NMT2: variants seen among roughly 807,000 people sequenced by gnomAD.
NMT2 encodes glycylpeptide N-tetradecanoyltransferase 2.
A neutral mutation model predicts 65.4 loss-of-function variants in NMT2; 35 were observed. That is an observed-to-expected ratio of 0.54 (90% CI 0.41 to 0.71). The LOEUF (loss-of-function observed/expected upper bound fraction) is 0.71. Ranked by LOEUF, NMT2 falls within the 30% of genes least tolerant of loss-of-function variation. NMT2 has a pLI of 0.00. For missense variants in NMT2, 489 were observed against 611.3 expected, an observed-to-expected ratio of 0.80 and a Z score of 2.11; for synonymous variants, 226 against 231.8, an observed-to-expected ratio of 0.98 and a Z score of 0.23.
At chr10:15,123,871 A>C (rs1181368450) in intron 8 of NMT2, among the ~76,000 whole-genome samples, 1 of 152,236 alleles carries the variant, frequency 6.6e-6, no homozygotes, top group African/African-American at 2.4e-5. Context: ...AAGGAAATGA[A>C]GCTCAGAGCT....
chr10:15,136,259 G>A (rs988296726), intron 2 of NMT2, among the ~76,000 whole-genome samples: 1 of 147,974 alleles, frequency 6.8e-6, no homozygotes, highest in African/African-American at 2.5e-5. Context: ...GGAAGGGAAG[G>A]GAAAGGGAAG....
intron 1 of NMT2, among the ~76,000 whole-genome samples, chr10:15,151,058 CCTT>C (rs1229864566): frequency 6.9e-6 from 1 of 143,952 alleles, no homozygotes; most frequent in Admixed American, 6.8e-5. Context: ...TTAGCTTCCT[CCTT>C]TTTTTTTTTT....
intron 7 of NMT2, 138 bp downstream of exon 7, chr10:15,130,004 G>C: frequency 1.6e-6 from 1 of 622,778 alleles, no homozygotes; most frequent in Non-Finnish European, 2.5e-6. Context: ...TGATATACCA[G>C]AAAGAATACT....
Position 15,126,494 on chromosome 10 carries a change from G to C in NMT2, c.999+1856C>G, listed in dbSNP as rs114169066. On this transcript the variant is annotated intron_variant, in intron 8 of 11. Coordinates refer to ENST00000378165, the MANE Select transcript of NMT2 (RefSeq NM_004808.3). The stretch of plus-strand genomic sequence containing the variant: ...TCACTTTCATGAATCACCTGCATAG[G>C]GTTCTGACTTCCATCTTGCCAGCAG... Among the ~76,000 whole-genome samples the C allele has an allele frequency of 2.5e-3, 378 of 151,964 alleles. 3 individuals carry two copies. The highest frequency in any genetic ancestry group is 8.9e-3 in the African/African-American group (369 of 41,446).
intron 1 of NMT2, among the ~76,000 whole-genome samples, chr10:15,150,346 C>T (rs981155460): frequency 5.9e-5 from 9 of 152,178 alleles, no homozygotes; most frequent in African/African-American, 1.9e-4. Flanking sequence ...AGAAGTCACA[C>T]AAATGAGTTT....
Position 15,108,172 on chromosome 10 carries a change from C to T in NMT2, c.*1023G>A, listed in dbSNP as rs1274981200. On this transcript the variant is annotated 3_prime_UTR_variant, in exon 12 of 12. Coordinates refer to ENST00000378165, the MANE Select transcript of NMT2 (RefSeq NM_004808.3). ...AACAGCAGAAAAGTCTAGTTAGTCG[C>T]GGGTACAGGCTCTTTCTTTTTTTTT... 11 of 983,142 alleles carry T rather than the reference C, an allele frequency of 1.1e-5. No individual in the cohort carries two copies. The highest frequency in any genetic ancestry group is 9.4e-5 in the South Asian group (2 of 21,246). The allele number at this position is 983,142 out of a possible 1,614,324, so 60.9% of individuals were successfully genotyped here.
chr10:15,117,111 C>T (rs1229957675), intron 9 of NMT2, among the ~76,000 whole-genome samples: 1 of 152,178 alleles, frequency 6.6e-6, no homozygotes, highest in African/African-American at 2.4e-5. Context: ...AAAAAAGGCA[C>T]TCCAGAGAGA....
At chr10:15,131,210 G>A (rs566916151) in intron 6 of NMT2, among the ~76,000 whole-genome samples, 9 of 152,138 alleles carry the variant, frequency 5.9e-5, no homozygotes, top group East Asian at 1.9e-4. Flanking sequence ...TAAAACGCAC[G>A]GAGGCTCCAA....
rs1451128440 is a variant in NMT2 at position 15,106,005 on chromosome 10, T to A, written c.*3190A>T. ...ACTGGCAATGCTGCAGTTATTTATT[T>A]TACTTTCGAGATAGAGTCTCACTCT... On this transcript the variant is annotated 3_prime_UTR_variant, in exon 12 of 12. Transcript: ENST00000378165. 4.8e-6 allele frequency: 2 copies of A among 419,116 alleles called. No homozygotes were observed. The highest frequency in any genetic ancestry group is 2.1e-5 in the African/African-American group (1 of 47,118). 26.0% of individuals were successfully genotyped at this position (419,116 alleles called of 1,614,324 possible).
At chr10:15,131,205 C>T (rs949762124) in intron 6 of NMT2, among the ~76,000 whole-genome samples, 8 of 152,108 alleles carry the variant, frequency 5.3e-5, no homozygotes, top group Admixed American at 1.3e-4. Flanking sequence ...GATTGTAAAA[C>T]GCACGGAGGC....
In NMT2 at chr10:15,118,144, G is replaced by A. The variant is rs138538934; in HGVS notation, c.1170+1199C>T. Among the ~76,000 whole-genome samples the A allele has an allele frequency of 2.6e-3, 401 of 152,356 alleles. 1 individual carries two copies. Among genetic ancestry groups the A allele is most frequent in the African/African-American group, 9.1e-3 (377 of 41,580 alleles). On this transcript the variant is annotated intron_variant, in intron 9 of 11. Transcript: ENST00000378165. ...CTATATCGCTATAGCAACGAGGTCA[G>A]TGTGGTATTAGTGAAAAGACAGACA...
In NMT2 at chr10:15,128,099, C is replaced by T. The variant is rs926967700; in HGVS notation, c.999+251G>A. On this transcript the variant is annotated intron_variant, in intron 8 of 11. Transcript: ENST00000378165. Reference sequence around the variant, plus strand: ...TAAATTTCCCAAATTTCAAAACTTACTTGCCTTGAGTTCAGTCTTATCCAA... The same window carrying T: ...TAAATTTCCCAAATTTCAAAACTTATTTGCCTTGAGTTCAGTCTTATCCAA... Among the ~76,000 whole-genome samples the T allele has an allele frequency of 6.6e-5, 10 of 152,264 alleles. No individual in the cohort carries two copies. In the Middle Eastern group the frequency reaches 0.01, roughly 155 times the overall value.
At chr10:15,138,006 T>TC (rs201706350) in intron 2 of NMT2, among the ~76,000 whole-genome samples, 7 of 145,914 alleles carry the variant, frequency 4.8e-5, no homozygotes, top group African/African-American at 7.5e-5. Context: ...TTCTTCTTCT[T>TC]TTTTTTTTTT....
chr10:15,151,586 A>G (rs1248887896), intron 1 of NMT2, among the ~76,000 whole-genome samples: 3 of 152,390 alleles, frequency 2.0e-5, no homozygotes, highest in South Asian at 2.1e-4. Context: ...TGTTATTTAC[A>G]TATCTTTAAG....
chr10:15,128,364 A>T lies in NMT2; in HGVS notation c.985T>A (p.Tyr329Asn), dbSNP rs765369629. 2 of 1,581,528 alleles carry T rather than the reference A, an allele frequency of 1.3e-6. No homozygotes were observed. Among genetic ancestry groups the T allele is most frequent in the South Asian group, 1.1e-5 (1 of 90,054 alleles). ...TTCTTACTTACATCTGGAAGTCTGT[A>T]TAGCTTCATTGTTCTCTGTAAAGTC... The part of the protein sequence containing the change: ...NMTLQRTMKL[Y>N]RLPDVTKTSG... Residue 329 changes from tyrosine to asparagine, a missense_variant, in exon 8 of 12, where the codon TAC (tyrosine) becomes AAC (asparagine). By Grantham distance (143) the Tyr-to-Asn change is moderately radical (BLOSUM62 -2). Coordinates refer to ENST00000378165, the MANE Select transcript of NMT2 (RefSeq NM_004808.3).
intron 1 of NMT2, among the ~76,000 whole-genome samples, chr10:15,162,736 C>A (rs1447057074): frequency 6.7e-6 from 1 of 148,246 alleles, no homozygotes; most frequent in African/African-American, 2.5e-5. Flanking sequence ...ACCTTATATA[C>A]CTTATTGTTT....
chr10:15,105,854 A>G lies in NMT2; in HGVS notation c.*3341T>C, dbSNP rs1845282594. ...TGTTAATTAGTAATCTGCTTCAATT[A>G]TGGAGGCAAATGTAGTTATTATTCT... On this transcript the variant is annotated 3_prime_UTR_variant, in exon 12 of 12. Transcript: ENST00000378165. Among the ~76,000 whole-genome samples, 1 of 152,192 alleles carries G rather than the reference A, an allele frequency of 6.6e-6. No homozygotes were observed. Among genetic ancestry groups the G allele is most frequent in the African/African-American group, 2.4e-5 (1 of 41,410 alleles).
At chr10:15,114,997 G>A (rs974735661) in intron 9 of NMT2, among the ~76,000 whole-genome samples, 25 of 151,340 alleles carry the variant, frequency 1.7e-4, no homozygotes. Flanking sequence ...GCAAGACACT[G>A]TCTCCAAAAA....
intron 1 of NMT2, among the ~76,000 whole-genome samples, chr10:15,142,385 C>T (rs1038994634): frequency 6.6e-6 from 1 of 151,636 alleles, no homozygotes; most frequent in Non-Finnish European, 1.5e-5. Context: ...AGGGGAAACC[C>T]AGCCTCTACC....
Sources: allele counts gnomAD v4.1 joint callset (sites outside exome capture counted in the v4.1 genomes callset), GRCh38; gene constraint gnomAD v4.1.1; transcripts MANE v1.5; gene names NCBI Gene and HGNC (gene_info 2026-07-23, HGNC 2026-07-21).